PCDHGB1: variants seen among roughly 807,000 people sequenced by gnomAD.
PCDHGB1 encodes the protein protocadherin gamma subfamily B, 1.
A neutral mutation model predicts 56.6 loss-of-function variants in PCDHGB1; 34 were observed. That is an observed-to-expected ratio of 0.60 (90% confidence interval 0.46 to 0.80). The LOEUF (loss-of-function observed/expected upper bound fraction) is 0.80, where lower values mean the gene tolerates loss of function less well. PCDHGB1 is among the 30% of genes least tolerant of loss of function. The pLI, the probability that PCDHGB1 is intolerant of heterozygous loss-of-function variation, is 0.00. For missense variants in PCDHGB1, 1,278 were observed against 1,204.6 expected, an observed-to-expected ratio of 1.06 and a Z score of -0.90; for synonymous variants, 561 against 505.9, an observed-to-expected ratio of 1.11 and a Z score of -1.46.
chr5:141,359,713 T>C (rs953640079), intron 1 of PCDHGB1, among the ~76,000 whole-genome samples: 2 of 152,122 alleles, frequency 1.3e-5, no homozygotes, highest in Non-Finnish European at 2.9e-5. Flanking sequence ...CCTAAGAAAC[T>C]TTAACACTCA....
In PCDHGB1 at chr5:141,392,458, G is replaced by A. The variant is rs113238570; in HGVS notation, c.2409+39789G>A. The A allele has an allele frequency of 2.2e-3, 375 of 170,410 alleles. 4 individuals are homozygous for A. Among genetic ancestry groups the A allele is most frequent in the African/African-American group, 8.5e-3 (357 of 42,198 alleles). The allele number at this position is 170,410 out of a possible 1,614,324, so 10.6% of individuals were successfully genotyped here. ...GTTTCTTTTAAAATATGGGTTTACG[G>A]ATAAATCAAATAAATTCAAAACAAA... On this transcript the variant is annotated intron_variant, in intron 1 of 3. Coordinates refer to ENST00000523390, the MANE Select transcript of PCDHGB1 (RefSeq NM_018922.3).
intron 1 of PCDHGB1, chr5:141,418,991 G>A (rs1335937354): frequency 6.2e-7 from 1 of 1,613,836 alleles, no homozygotes. Context: ...AGACTCAGGG[G>A]AAAATGGGGA....
chr5:141,490,640 G>C lies in PCDHGB1; in HGVS notation c.2410-4167G>C, dbSNP rs774630488. 1 of 1,614,122 alleles carries C rather than the reference G, an allele frequency of 6.2e-7. No individual in the cohort carries two copies. The highest frequency in any genetic ancestry group is 8.5e-7 in the Non-Finnish European group (1 of 1,180,012). On this transcript the variant is annotated intron_variant, in intron 1 of 3. Coordinates refer to ENST00000523390, the MANE Select transcript of PCDHGB1 (RefSeq NM_018922.3). This position sits in a 1 kb window ranked among gnomAD's most constrained non-coding sequence, Gnocchi z 5.4. The stretch of plus-strand genomic sequence containing the variant: ...TACACTGCTTACATCCTAGAAAACC[G>C]GCCTCCGGGCTCCCTTCTTTGCACT...
At chr5:141,383,580 C>A (rs935361844) in intron 1 of PCDHGB1, 1 of 1,613,642 alleles carries the variant, frequency 6.2e-7, no homozygotes, top group South Asian at 1.1e-5. Context: ...GCACCGCCCA[C>A]ATCCAGGTGA....
chr5:141,485,895 C>G lies in PCDHGB1; in HGVS notation c.2410-8912C>G, dbSNP rs1243568042. On this transcript the variant is annotated intron_variant, in intron 1 of 3. Coordinates refer to ENST00000523390, the MANE Select transcript of PCDHGB1 (RefSeq NM_018922.3). This position sits in a 1 kb window ranked among gnomAD's most constrained non-coding sequence, Gnocchi z 5.7. Reference sequence around the variant, plus strand: ...CTGGACGTAAACGACAACGCCCCAGCCTTCCAGCAATCCAGCTACAGGATT... The same window carrying G: ...CTGGACGTAAACGACAACGCCCCAGGCTTCCAGCAATCCAGCTACAGGATT... 3 of 1,614,136 alleles carry G rather than the reference C, an allele frequency of 1.9e-6. No individual in the cohort carries two copies. The highest frequency in any genetic ancestry group is 2.5e-6 in the Non-Finnish European group (3 of 1,180,036).
chr5:141,389,695 A>G, intron 1 of PCDHGB1: 1 of 1,612,564 alleles, frequency 6.2e-7, no homozygotes, highest in Non-Finnish European at 8.5e-7. Context: ...TGGCTGTCCT[A>G]CCACGTGCTG....
chr5:141,354,085 T>C (rs1026481985), intron 1 of PCDHGB1, among the ~76,000 whole-genome samples: 1 of 152,246 alleles, frequency 6.6e-6, no homozygotes, highest in South Asian at 2.1e-4. Flanking sequence ...CATTTCCTTT[T>C]ACTGGCTATT....
chr5:141,355,951 G>A (rs1178682642), intron 1 of PCDHGB1: 2 of 1,613,798 alleles, frequency 1.2e-6, no homozygotes, highest in African/African-American at 1.3e-5. Flanking sequence ...CCACGTAAGT[G>A]TTCGTGAGAA....
chr5:141,402,944 G>A (rs1487270083), intron 1 of PCDHGB1: 2 of 1,592,136 alleles, frequency 1.3e-6, no homozygotes, highest in Non-Finnish European at 1.7e-6. Context: ...ATTCCAAAGC[G>A]AGGCAGCAAT....
chr5:141,405,203 C>T, intron 1 of PCDHGB1: 2 of 1,613,520 alleles, frequency 1.2e-6, no homozygotes, highest in Non-Finnish European at 1.7e-6. Context: ...AGCTTTCCTA[C>T]AGACCTATTC....
chr5:141,376,060 G>T lies in PCDHGB1; in HGVS notation c.2409+23391G>T, dbSNP rs375877156. Reference sequence around the variant, plus strand: ...AGCCCCCTCTCTCCGCCACTGTCACGCTCACCGTGGCCGTGGCCGACAGGA... The same window carrying T: ...AGCCCCCTCTCTCCGCCACTGTCACTCTCACCGTGGCCGTGGCCGACAGGA... On this transcript the variant is annotated intron_variant, in intron 1 of 3. Transcript: ENST00000523390. 3.7e-5 allele frequency: 60 copies of T among 1,613,348 alleles called. No homozygotes were observed. The African/African-American group carries it at 7.5e-4, about 20-fold the overall frequency.
In PCDHGB1 at chr5:141,432,021, C is replaced by G. The variant is rs746940912; in HGVS notation, c.2410-62786C>G. 1.9e-5 allele frequency: 30 copies of G among 1,614,076 alleles called. No individual in the cohort carries two copies. The highest frequency in any genetic ancestry group is 2.7e-5 in the African/African-American group (2 of 74,922). Reference sequence around the variant, plus strand: ...GAACAGGTTCCTAGCTACAACATCACAGTGACCGCCACTGACCGGGGAACC... The same window carrying G: ...GAACAGGTTCCTAGCTACAACATCAGAGTGACCGCCACTGACCGGGGAACC... On this transcript the variant is annotated intron_variant, in intron 1 of 3. Transcript: ENST00000523390. The surrounding 1 kb of genome is among the most constrained non-coding windows in gnomAD (Gnocchi z 6.0).
intron 1 of PCDHGB1, chr5:141,382,984 G>A: frequency 6.2e-7 from 1 of 1,613,132 alleles, no homozygotes; most frequent in Non-Finnish European, 8.5e-7. Context: ...AGCCTGGGCA[G>A]GACGTATTCT....
intron 1 of PCDHGB1, among the ~76,000 whole-genome samples, chr5:141,407,339 T>C (rs958646781): frequency 3.3e-5 from 5 of 152,222 alleles, no homozygotes; most frequent in Non-Finnish European, 7.3e-5. Context: ...TTGAAATGTA[T>C]GTTAATTTGG....
chr5:141,467,376 A>G (rs1391386659), intron 1 of PCDHGB1, among the ~76,000 whole-genome samples: 2 of 151,990 alleles, frequency 1.3e-5, no homozygotes. Flanking sequence ...CTTATATTGC[A>G]TTTAGGTTTT....
intron 1 of PCDHGB1, among the ~76,000 whole-genome samples, chr5:141,474,000 C>T (rs2099336161): frequency 6.6e-6 from 1 of 152,076 alleles, no homozygotes. Context: ...GCCCAAGGAG[C>T]TGGAAGTTAC....
In PCDHGB1 at chr5:141,486,223, C is replaced by G. The variant is rs1164723634; in HGVS notation, c.2410-8584C>G. ...ACGTAAATGACAATGCCCCTTACATCACAGTGACCTCAGAGCTTGGAACCC... is the reference window on the plus strand; with the variant it reads ...ACGTAAATGACAATGCCCCTTACATGACAGTGACCTCAGAGCTTGGAACCC... On this transcript the variant is annotated intron_variant, in intron 1 of 3. Coordinates refer to ENST00000523390, the MANE Select transcript of PCDHGB1 (RefSeq NM_018922.3). The surrounding 1 kb of genome is among the most constrained non-coding windows in gnomAD (Gnocchi z 5.0). The G allele has an allele frequency of 6.2e-7, 1 of 1,614,148 alleles. No homozygotes were observed. Among genetic ancestry groups the G allele is most frequent in the Admixed American group, 1.7e-5 (1 of 60,032 alleles).
At chr5:141,430,716 G>T (rs1327065498) in intron 1 of PCDHGB1, 2 of 1,487,962 alleles carry the variant, frequency 1.3e-6, no homozygotes, top group African/African-American at 2.8e-5. Context: ...CCTGACTTCA[G>T]TGGTTAAGGG....
At chr5:141,364,335 C>A in intron 1 of PCDHGB1, 1 of 1,532,788 alleles carries the variant, frequency 6.5e-7, no homozygotes, top group South Asian at 1.3e-5. Flanking sequence ...AAGGCAATGG[C>A]GAGTCCACCT....
Sources: gnomAD v4.1 joint callset for allele counts (sites outside exome capture counted in the v4.1 genomes callset) on GRCh38, gnomAD v4.1.1 for gene constraint, Gnocchi (gnomAD v3.1) non-coding constraint, MANE v1.5 for transcripts, NCBI Gene and HGNC (gene_info 2026-07-23, HGNC 2026-07-21) for gene names.